ATP2A2: variants seen among roughly 807,000 people sequenced by gnomAD.
ATP2A2 encodes sarcoplasmic/endoplasmic reticulum calcium ATPase 2.
In ATP2A2, 14 loss-of-function variants were observed where a neutral mutation model predicts 109.3. The observed-to-expected ratio is 0.13, with a 90% CI of 0.08 to 0.20. The LOEUF is 0.20. ATP2A2 is among the 10% of genes least tolerant of loss of function. ATP2A2 has a pLI of 1.00. For missense variants in ATP2A2, 657 were observed against 1,321.6 expected (o/e 0.50, Z 7.80); for synonymous variants, 506 against 490.9 (o/e 1.03, Z -0.41).
intron 5 of ATP2A2, among the ~76,000 whole-genome samples, chr12:110,299,113 GC>G (rs1307660968): frequency 6.6e-6 from 1 of 151,994 alleles, no homozygotes; most frequent in African/African-American, 2.4e-5. Context: ...GGGATCACAG[GC>G]ATGAGCAACC....
At chr12:110,283,419 A>G (rs1394790550) in intron 3 of ATP2A2, among the ~76,000 whole-genome samples, 4 of 152,230 alleles carry the variant, frequency 2.6e-5, no homozygotes, top group East Asian at 1.9e-4. Context: ...AAAAACCAGC[A>G]TGGTGTTTTT....
At chr12:110,311,732 TAA>T (rs74429533) in intron 5 of ATP2A2, among the ~76,000 whole-genome samples, 9,027 of 138,666 alleles carry the variant, frequency 0.065, 429 homozygotes, top group African/African-American at 0.13. Flanking sequence ...GAGAATTGTT[TAA>T]AAAAAAAAAA....
chr12:110,313,285 C>T (rs983217570), intron 5 of ATP2A2, among the ~76,000 whole-genome samples: 1 of 150,912 alleles, frequency 6.6e-6, no homozygotes, highest in Non-Finnish European at 1.5e-5. Flanking sequence ...GGAGAAGAAA[C>T]CATGTGGTTT....
intron 8 of ATP2A2, 108 bp downstream of exon 8, chr12:110,328,125 G>C: frequency 8.9e-7 from 1 of 1,127,626 alleles, no homozygotes; most frequent in Non-Finnish European, 1.3e-6. Context: ...CATTTCTGTG[G>C]GCTGTATGTA....
chr12:110,334,586 CTTTTTTTTTTTT>C (rs67776124), intron 11 of ATP2A2, among the ~76,000 whole-genome samples: 4 of 114,500 alleles, frequency 3.5e-5, no homozygotes, highest in East Asian at 5.1e-4. Flanking sequence ...TCAATTAAAC[CTTTTTTTTTTTT>C]TTTTTTTTGA....
chr12:110,295,219 G>A (rs1269394498), intron 4 of ATP2A2, among the ~76,000 whole-genome samples: 1 of 152,098 alleles, frequency 6.6e-6, no homozygotes, highest in Non-Finnish European at 1.5e-5. Flanking sequence ...CTGGAGTGCA[G>A]TGTCATAATC....
At chr12:110,291,095 A>G (rs1413324615) in intron 3 of ATP2A2, among the ~76,000 whole-genome samples, 1 of 151,838 alleles carries the variant, frequency 6.6e-6, no homozygotes, top group African/African-American at 2.4e-5. Flanking sequence ...TTTAGTAGAG[A>G]TAGGGTTTCT....
chr12:110,332,512 T>TGTCC, intron 8 of ATP2A2, 85 bp from the exon 9 acceptor site: 3 of 1,174,018 alleles, frequency 2.6e-6, no homozygotes, highest in Non-Finnish European at 1.3e-6. Flanking sequence ...TGTTTGCCTT[T>TGTCC]GTCCTAAGCT....
intron 1 of ATP2A2, 41 bp downstream of exon 1, chr12:110,281,948 G>C (rs749968705): frequency 2.7e-6 from 4 of 1,487,262 alleles, no homozygotes; most frequent in South Asian, 2.5e-5. Flanking sequence ...CGGCGCGGCC[G>C]GGAGAGCCAG....
chr12:110,339,634 G>A lies in ATP2A2; in HGVS notation c.1674G>A (p.Leu558=), dbSNP rs1253208876. ...AGTGGGGTAGTGGCAGCGACACACT[G>A]CGATGCCTGGCCCTGGCCACTCATG... The part of the protein sequence containing the change: ...IREWGSGSDT[L]RCLALATHDN... The change falls in exon 13 of 20, where the codon CTG becomes CTA. Residue 558 remains leucine (L), a synonymous_variant. Coordinates refer to ENST00000539276, the MANE Select transcript of ATP2A2 (RefSeq NM_170665.4). This position sits in a 1 kb window ranked among gnomAD's most constrained non-coding sequence, Gnocchi z 4.4. 1.2e-6 allele frequency: 2 copies of A among 1,614,064 alleles called. No individual in the cohort carries two copies. Among genetic ancestry groups the A allele is most frequent in the African/African-American group, 1.3e-5 (1 of 74,924 alleles).
intron 11 of ATP2A2, among the ~76,000 whole-genome samples, chr12:110,336,750 A>G (rs1267381565): frequency 6.6e-6 from 1 of 152,210 alleles, no homozygotes. Context: ...ACTGATGCAC[A>G]ATTCACAAAT....
intron 5 of ATP2A2, among the ~76,000 whole-genome samples, chr12:110,321,101 G>A (rs141986874): frequency 3.3e-5 from 5 of 152,266 alleles, no homozygotes; most frequent in African/African-American, 4.8e-5. Context: ...GGTGGCGCAC[G>A]CCTGTAGTCC....
rs1408462115 is a variant in ATP2A2, at chr12:110,340,806, C to T, written c.1909C>T (p.Arg637Cys). ...GGGCACTGCTGTGGCCATCTGTCGC[C>T]GCATCGGCATCTTCGGGCAGGATGA... ...NKGTAVAICR[R>C]IGIFGQDEDV... The change falls in exon 14 of 20, where the codon CGC (arginine) becomes TGC (cysteine). Residue 637 changes from arginine (R) to cysteine (C), a missense_variant. Coordinates refer to ENST00000539276, the MANE Select transcript of ATP2A2 (RefSeq NM_170665.4). This position sits in a 1 kb window ranked among gnomAD's most constrained non-coding sequence, Gnocchi z 6.0. The T allele has an allele frequency of 3.1e-6, 5 of 1,614,064 alleles. No homozygotes were observed. The highest frequency in any genetic ancestry group is 3.3e-5 in the Admixed American group (2 of 60,002).
intron 8 of ATP2A2, chr12:110,329,771 C>CTG (rs1309101372): frequency 1.3e-5 from 2 of 152,180 alleles, no homozygotes; most frequent in Non-Finnish European, 2.9e-5. Context: ...TTTAAACCTG[C>CTG]TGTTAGAAAA....
At chr12:110,296,785 A>G (rs370473564) in intron 5 of ATP2A2, 48 bp downstream of exon 5, 17 of 1,593,726 alleles carry the variant, frequency 1.1e-5, no homozygotes, top group Non-Finnish European at 1.5e-5. Flanking sequence ...GTATTTCTGA[A>G]TGTAGTCCTT....
chr12:110,349,114 A>C lies in ATP2A2; in HGVS notation c.*2644A>C, dbSNP rs1880159884. 2 of 985,434 alleles carry C rather than the reference A, an allele frequency of 2.0e-6. No individual in the cohort carries two copies. The highest frequency in any genetic ancestry group is 2.4e-6 in the Non-Finnish European group (2 of 829,960). 61.0% of individuals were successfully genotyped at this position (985,434 alleles called of 1,614,324 possible). ...ACTTCCCTTGGTCCAGACAGCTGGG[A>C]GTGGGTTAGGCCCACTGCTGTTTTG... On this transcript the variant is annotated 3_prime_UTR_variant, in exon 20 of 20. Transcript: ENST00000539276.
chr12:110,325,405 G>C (rs1051421987), intron 6 of ATP2A2, among the ~76,000 whole-genome samples: 10 of 151,760 alleles, frequency 6.6e-5, no homozygotes, highest in Non-Finnish European at 1.2e-4. Flanking sequence ...AGGCCGAGGT[G>C]GGGGGATCAC....
At position 110,313,705 on chromosome 12, in the gene ATP2A2, C is replaced by CTTTTTT. The variant is rs137984643; in HGVS notation, c.464-9270_464-9265dup. 1.2e-4 allele frequency among the ~76,000 whole-genome samples: 13 copies of CTTTTTT among 111,902 alleles called. No individual in the cohort carries two copies. The South Asian group carries it at 3.4e-3, about 29-fold the overall frequency. The allele number at this position is 111,902 out of a possible 152,430, so 73.4% of individuals were successfully genotyped here. On this transcript the variant is annotated intron_variant, in intron 5 of 19. Transcript: ENST00000539276. ...ACTTTTATATTAAAAGATAATGGAA[C>CTTTTTT]TTTTTTTTTTTTTTTTTTTTTTGAG...
Position 110,327,632 on chromosome 12 carries a change from A to G in ATP2A2, c.710A>G (p.Asp237Gly), listed in dbSNP as rs1877941059. The change falls in exon 8 of 20, where the codon GAT (aspartate) becomes GGT (glycine). Residue 237 changes from aspartate (D) to glycine (G), a missense_variant. Coordinates refer to ENST00000539276, the MANE Select transcript of ATP2A2 (RefSeq NM_170665.4). The surrounding 1 kb of genome is among the most constrained non-coding windows in gnomAD (Gnocchi z 4.4). ...AACACCGAAATTGGCAAGATCCGGGATGAAATGGTGGCAACAGAACAGGAG... is the reference window on the plus strand; with the variant it reads ...AACACCGAAATTGGCAAGATCCGGGGTGAAATGGTGGCAACAGAACAGGAG... ...GVNTEIGKIR[D>G]EMVATEQERT... 1 of 1,614,188 alleles carries G rather than the reference A, an allele frequency of 6.2e-7. No individual in the cohort carries two copies. The highest frequency in any genetic ancestry group is 2.2e-5 in the East Asian group (1 of 44,888).
Sources: gnomAD v4.1 joint callset for allele counts (sites outside exome capture counted in the v4.1 genomes callset) on GRCh38, gnomAD v4.1.1 for gene constraint, Gnocchi (gnomAD v3.1) non-coding constraint, MANE v1.5 for transcripts, NCBI Gene and HGNC (gene_info 2026-07-23, HGNC 2026-07-21) for gene names.